Variants in NXPH1 observed in about 807,000 individuals in gnomAD.
NXPH1 encodes neurexophilin-1.
A neutral mutation model predicts 23.7 loss-of-function variants in NXPH1; 5 were observed. The ratio of observed to expected loss-of-function variants is 0.21; its 90% CI spans 0.11 to 0.44. NXPH1 has a LOEUF of 0.44. Among genes scored for constraint, NXPH1 ranks in the 20% least tolerant of loss-of-function variants. The probability of loss-of-function intolerance (pLI) is 0.99; values close to 1 mark genes in which losing one functional copy is unlikely to be tolerated. For missense variants in NXPH1, 324 were observed against 321.6 expected, an observed-to-expected ratio of 1.01 and a Z score of -0.06; for synonymous variants, 144 against 122.2, an observed-to-expected ratio of 1.18 and a Z score of -1.18.
intron 2 of NXPH1, among the ~76,000 whole-genome samples, chr7:8,671,270 T>A (rs1455732336): frequency 1.3e-5 from 2 of 152,206 alleles, no homozygotes; most frequent in African/African-American, 4.8e-5. Context: ...GAAGAACATA[T>A]GTTTGACTAA....
At chr7:8,603,150 A>T (rs946880702) in intron 2 of NXPH1, among the ~76,000 whole-genome samples, 7 of 152,170 alleles carry the variant, frequency 4.6e-5, no homozygotes, top group African/African-American at 1.7e-4. Flanking sequence ...TAATGCCTAG[A>T]ATATGGTAAT....
chr7:8,537,688 G>A (rs1818049677), intron 2 of NXPH1, among the ~76,000 whole-genome samples: 1 of 151,874 alleles, frequency 6.6e-6, no homozygotes, highest in Admixed American at 6.6e-5. Flanking sequence ...TATCACATTT[G>A]TGTACTAGCT....
chr7:8,483,029 C>T (rs980724152), intron 2 of NXPH1, among the ~76,000 whole-genome samples: 3 of 152,164 alleles, frequency 2.0e-5, no homozygotes, highest in Admixed American at 6.5e-5. Flanking sequence ...TTGCAAGCAG[C>T]CTAGTGTGAC....
At chr7:8,595,578 A>G (rs1228460684) in intron 2 of NXPH1, among the ~76,000 whole-genome samples, 1 of 152,114 alleles carries the variant, frequency 6.6e-6, no homozygotes, top group East Asian at 1.9e-4. Flanking sequence ...TTAATCTGCT[A>G]GGCATTTGTT....
At chr7:8,685,438 AT>A (rs58840445) in intron 2 of NXPH1, among the ~76,000 whole-genome samples, 165 of 147,996 alleles carry the variant, frequency 1.1e-3, no homozygotes, top group South Asian at 2.1e-3. Flanking sequence ...ACTGGATCTC[AT>A]TTTTTTTTTT....
chr7:8,727,453 GGGTTTTTAT>G (rs1780076034), intron 2 of NXPH1, among the ~76,000 whole-genome samples: 1 of 145,080 alleles, frequency 6.9e-6, no homozygotes, highest in African/African-American at 2.6e-5. Flanking sequence ...TTTTCTTTTA[GGGTTTTTAT>G]GGTTTTAGGT....
intron 2 of NXPH1, among the ~76,000 whole-genome samples, chr7:8,743,604 T>C (rs905405772): frequency 1.3e-5 from 2 of 152,124 alleles, no homozygotes; most frequent in East Asian, 3.8e-4. Context: ...TGAGATGATA[T>C]TAGAACAAGC....
intron 2 of NXPH1, among the ~76,000 whole-genome samples, chr7:8,459,760 A>T (rs1417904923): frequency 6.6e-6 from 1 of 152,200 alleles, no homozygotes; most frequent in East Asian, 1.9e-4. Flanking sequence ...TGTGCAGTAG[A>T]TATAAAATCC....
chr7:8,539,467 A>G (rs1005413195), intron 2 of NXPH1, among the ~76,000 whole-genome samples: 5 of 151,834 alleles, frequency 3.3e-5, no homozygotes, highest in East Asian at 1.9e-4. Flanking sequence ...AATACATACT[A>G]TCTTTTCTTT....
At chr7:8,739,001 G>T (rs147415677) in intron 2 of NXPH1, among the ~76,000 whole-genome samples, 2 of 151,810 alleles carry the variant, frequency 1.3e-5, no homozygotes, top group African/African-American at 4.8e-5. Flanking sequence ...ATCCCAGGTC[G>T]ACTTCAGACT....
At chr7:8,450,419 C>T (rs80026646) in intron 2 of NXPH1, among the ~76,000 whole-genome samples, 1 of 152,218 alleles carries the variant, frequency 6.6e-6, no homozygotes, top group Admixed American at 6.5e-5. Context: ...TTTCAGACAT[C>T]CAACTAACTT....
chr7:8,706,990 AC>A (rs1157225665), intron 2 of NXPH1, among the ~76,000 whole-genome samples: 1 of 152,236 alleles, frequency 6.6e-6, no homozygotes, highest in Non-Finnish European at 1.5e-5. Flanking sequence ...TGCAGACTTC[AC>A]CAGTACACAA....
At chr7:8,446,257 A>G (rs17148821) in intron 2 of NXPH1, among the ~76,000 whole-genome samples, 12,996 of 152,266 alleles carry the variant, frequency 0.085, 1,717 homozygotes, top group African/African-American at 0.28. Context: ...GAACACTGGT[A>G]TGCTAATCAT....
At chr7:8,561,443 C>T (rs1361365367) in intron 2 of NXPH1, among the ~76,000 whole-genome samples, 2 of 150,952 alleles carry the variant, frequency 1.3e-5, no homozygotes, top group African/African-American at 4.9e-5. Context: ...GGGCTGTTTT[C>T]AGTAATTAGA....
At chr7:8,536,115 A>G (rs905471431) in intron 2 of NXPH1, among the ~76,000 whole-genome samples, 4 of 152,060 alleles carry the variant, frequency 2.6e-5, no homozygotes, top group Non-Finnish European at 5.9e-5. Flanking sequence ...TTCCCACTTG[A>G]TTGAGTTATA....
chr7:8,716,152 A>G (rs909883222), intron 2 of NXPH1, among the ~76,000 whole-genome samples: 3 of 152,164 alleles, frequency 2.0e-5, no homozygotes, highest in Non-Finnish European at 4.4e-5. Flanking sequence ...TTATCCTTAA[A>G]ACTCCTTATG....
intron 2 of NXPH1, among the ~76,000 whole-genome samples, chr7:8,515,703 G>T (rs748905601): frequency 6.6e-6 from 1 of 152,092 alleles, no homozygotes; most frequent in Non-Finnish European, 1.5e-5. Context: ...TGGAATCATT[G>T]TTGAGAAACG....
At chr7:8,584,080 A>G (rs1026190376) in intron 2 of NXPH1, among the ~76,000 whole-genome samples, 2 of 152,220 alleles carry the variant, frequency 1.3e-5, no homozygotes, top group African/African-American at 4.8e-5. Flanking sequence ...TGTACTTTAC[A>G]GATATTAACT....
At chr7:8,490,510 A>G (rs940064985) in intron 2 of NXPH1, among the ~76,000 whole-genome samples, 1 of 151,798 alleles carries the variant, frequency 6.6e-6, no homozygotes, top group Non-Finnish European at 1.5e-5. Context: ...TATAGTTTTC[A>G]TTCTCATTTA....
Sources: gnomAD v4.1 joint callset for allele counts (sites outside exome capture counted in the v4.1 genomes callset) on GRCh38, gnomAD v4.1.1 for gene constraint, MANE v1.5 for transcripts, NCBI Gene and HGNC (gene_info 2026-07-23, HGNC 2026-07-21) for gene names.